The following SGPL1 variants were observed in gnomAD, a reference collection of about 807,000 sequenced individuals.
SGPL1 encodes the protein SP-lyase 1.
In SGPL1, 37 loss-of-function variants were observed where a neutral mutation model predicts 68.9. The observed-to-expected ratio is 0.54, with a 90% CI of 0.41 to 0.71. The LOEUF is 0.71. Among genes scored for constraint, SGPL1 ranks in the 30% least tolerant of loss-of-function variants. The pLI, the probability that SGPL1 is intolerant of heterozygous loss-of-function variation, is 0.00. For missense variants in SGPL1, 551 were observed against 704.6 expected (o/e 0.78, Z 2.47); for synonymous variants, 236 against 248.5 (o/e 0.95, Z 0.47).
Position 70,834,998 on chromosome 10 carries a change from A to C in SGPL1, c.28-9475A>C, listed in dbSNP as rs565668139. ...GTAGGCAGAGTGCCACGGTGTGCAG[A>C]GTCCAGTTACAGATAACCAGCCATT... On this transcript the variant is annotated intron_variant, in intron 2 of 14. Transcript: ENST00000373202. Among the ~76,000 whole-genome samples the C allele has an allele frequency of 6.0e-5, 9 of 149,766 alleles. No individual in the cohort carries two copies. The East Asian group carries it at 1.0e-3, about 17-fold the overall frequency.
At chr10:70,840,927 A>T (rs1462072356) in intron 2 of SGPL1, among the ~76,000 whole-genome samples, 1 of 152,120 alleles carries the variant, frequency 6.6e-6, no homozygotes, top group Non-Finnish European at 1.5e-5. Flanking sequence ...ATCTATAGTC[A>T]TCTTTTGACA....
chr10:70,876,076 A>G (rs955602094), intron 13 of SGPL1, among the ~76,000 whole-genome samples: 5 of 152,176 alleles, frequency 3.3e-5, no homozygotes, highest in African/African-American at 9.7e-5. Flanking sequence ...CATCTGGACT[A>G]TCTTTTTCCC....
chr10:70,855,306 ATATATG>A (rs1345245240), intron 5 of SGPL1, among the ~76,000 whole-genome samples: 1 of 152,218 alleles, frequency 6.6e-6, no homozygotes, highest in Non-Finnish European at 1.5e-5. Flanking sequence ...ACATCTATCT[ATATATG>A]TATATCTGTC....
chr10:70,821,912 G>A (rs1169162400), intron 2 of SGPL1, among the ~76,000 whole-genome samples: 1 of 152,156 alleles, frequency 6.6e-6, no homozygotes, highest in Non-Finnish European at 1.5e-5. Context: ...TTATAGCAAT[G>A]CAGAATTCTT....
chr10:70,852,396 A>G (rs2131898954), intron 4 of SGPL1, among the ~76,000 whole-genome samples: 1 of 152,290 alleles, frequency 6.6e-6, no homozygotes, highest in East Asian at 1.9e-4. Context: ...TTGCTCTCCA[A>G]ATTATATTAA....
chr10:70,860,203 T>C (rs1441663667), intron 7 of SGPL1, among the ~76,000 whole-genome samples: 1 of 152,202 alleles, frequency 6.6e-6, no homozygotes, highest in Non-Finnish European at 1.5e-5. Context: ...AGATCTGTTG[T>C]CTTTAGAAAA....
chr10:70,871,370 T>A (rs1846292705), intron 10 of SGPL1, among the ~76,000 whole-genome samples: 1 of 152,220 alleles, frequency 6.6e-6, no homozygotes, highest in Non-Finnish European at 1.5e-5. Context: ...TGAGGCCTTT[T>A]AAACTGGAAA....
chr10:70,875,460 C>T lies in SGPL1; in HGVS notation c.1357C>T (p.Leu453=). The T allele has an allele frequency of 6.2e-7, 1 of 1,612,728 alleles. No homozygotes were observed. The highest frequency in any genetic ancestry group is 1.1e-5 in the South Asian group (1 of 91,068). The part of the protein sequence containing the change: ...FGNPQLSVIA[L]GSRDFDIYRL... ...GAATCCCCAATTGTCAGTCATTGCT[C>T]TGGGATCCCGTGATTTTGACATCTA... The change falls in exon 13 of 15, where the codon CTG becomes TTG. Residue 453 remains leucine, a synonymous_variant. Coordinates refer to ENST00000373202, the MANE Select transcript of SGPL1 (RefSeq NM_003901.4).
rs1402137026 is a variant in SGPL1 at position 70,877,353 on chromosome 10, T to C, written c.*18T>C. The stretch of plus-strand genomic sequence containing the variant: ...CCCACTGAACTTGGACCCTTTCTAG[T>C]CTCAAGGGGATTCCAGCCTTCAGAA... On this transcript the variant is annotated 3_prime_UTR_variant, in exon 15 of 15. Coordinates refer to ENST00000373202, the MANE Select transcript of SGPL1 (RefSeq NM_003901.4). The C allele has an allele frequency of 1.9e-6, 3 of 1,613,440 alleles. No homozygotes were observed. The highest frequency in any genetic ancestry group is 2.5e-6 in the Non-Finnish European group (3 of 1,179,516).
In SGPL1 at chr10:70,819,510, T is replaced by G. The variant is rs149354137; in HGVS notation, c.27+2630T>G. Among the ~76,000 whole-genome samples the G allele has an allele frequency of 4.6e-4, 70 of 152,228 alleles. No homozygotes were observed. In the East Asian group the frequency reaches 0.013, roughly 28 times the overall value. ...TTCTCAAGCTACTTTATATGATATG[T>G]AAAACATGTTCTTGGCCCTCCACCT... is the stretch of plus-strand genomic sequence containing the variant. On this transcript the variant is annotated intron_variant, in intron 2 of 14. Transcript: ENST00000373202.
chr10:70,865,784 C>T (rs1482708624), intron 7 of SGPL1, among the ~76,000 whole-genome samples: 1 of 152,198 alleles, frequency 6.6e-6, no homozygotes, highest in Non-Finnish European at 1.5e-5. Flanking sequence ...ACTTCACATA[C>T]TAAAAGAAAT....
intron 3 of SGPL1, among the ~76,000 whole-genome samples, chr10:70,849,520 T>C (rs147769515): frequency 6.6e-6 from 1 of 152,360 alleles, no homozygotes; most frequent in East Asian, 1.9e-4. Context: ...TGTCTTCTTA[T>C]TCAGTCTGTG....
intron 2 of SGPL1, among the ~76,000 whole-genome samples, chr10:70,835,947 G>A (rs1845622148): frequency 1.3e-5 from 2 of 152,150 alleles, no homozygotes; most frequent in African/African-American, 4.8e-5. Context: ...GGCCCAGCAA[G>A]CTGCATTCAG....
chr10:70,844,123 T>G (rs1193430184), intron 2 of SGPL1, among the ~76,000 whole-genome samples: 1 of 152,162 alleles, frequency 6.6e-6, no homozygotes, highest in Non-Finnish European at 1.5e-5. Flanking sequence ...GAAATGACAT[T>G]GATATTGGGG....
intron 2 of SGPL1, among the ~76,000 whole-genome samples, chr10:70,832,688 G>A (rs1461761987): frequency 6.6e-6 from 1 of 152,200 alleles, no homozygotes; most frequent in African/African-American, 2.4e-5. Context: ...CATGTGCACA[G>A]TAAGTCATTT....
chr10:70,863,947 A>G (rs1297452392), intron 7 of SGPL1, among the ~76,000 whole-genome samples: 4 of 152,072 alleles, frequency 2.6e-5, no homozygotes, highest in Non-Finnish European at 5.9e-5. Flanking sequence ...TTGAAGTCTG[A>G]AGGGTCTGGT....
intron 7 of SGPL1, among the ~76,000 whole-genome samples, chr10:70,865,652 A>T (rs1187061748): frequency 1.3e-5 from 2 of 152,224 alleles, no homozygotes; most frequent in Admixed American, 6.5e-5. Context: ...ATGGCTGGGC[A>T]GTCTTTAGGT....
intron 2 of SGPL1, among the ~76,000 whole-genome samples, chr10:70,820,772 C>G (rs78840713): frequency 1.3e-4 from 17 of 135,030 alleles, no homozygotes; most frequent in African/African-American, 4.1e-4. Flanking sequence ...GAGACTGTCT[C>G]AAAAAAAAAA....
At chr10:70,851,464 A>T (rs936186828) in intron 4 of SGPL1, among the ~76,000 whole-genome samples, 1 of 148,988 alleles carries the variant, frequency 6.7e-6, no homozygotes, top group Non-Finnish European at 1.5e-5. Context: ...GCCCCCCCCC[A>T]CCCACCAAAC....
Sources: allele counts gnomAD v4.1 joint callset (sites outside exome capture counted in the v4.1 genomes callset), GRCh38; gene constraint gnomAD v4.1.1; transcripts MANE v1.5; gene names NCBI Gene and HGNC (gene_info 2026-07-23, HGNC 2026-07-21).